C13orf42: variants seen among roughly 807,000 people sequenced by gnomAD.
C13orf42 encodes the protein chromosome 13 open reading frame 42, also known as uncharacterized protein C13orf42.
chr13:51,170,904 CCCGCTTTCCTAGGG>C (rs1953944462), intron 1 of C13orf42, among the ~76,000 whole-genome samples: 1 of 152,068 alleles, frequency 6.6e-6, no homozygotes, highest in African/African-American at 2.4e-5. Flanking sequence ...AGTGGCAAGT[CCCGCTTTCCTAGGG>C]GGCAAGAAGC....
At chr13:51,131,113 C>T in intron 1 of C13orf42, among the ~76,000 whole-genome samples, 1 of 152,090 alleles carries the variant, frequency 6.6e-6, no homozygotes, top group East Asian at 1.9e-4. Context: ...CCGTGCTGAT[C>T]CTTTGTTTTG....
chr13:51,156,745 G>A (rs1238219072), intron 1 of C13orf42, among the ~76,000 whole-genome samples: 3 of 152,216 alleles, frequency 2.0e-5, no homozygotes, highest in African/African-American at 7.2e-5. Context: ...CTATTGTTAA[G>A]GAGAGATAAG....
chr13:51,132,969 G>A (rs573504975), intron 1 of C13orf42, among the ~76,000 whole-genome samples: 14 of 152,238 alleles, frequency 9.2e-5, no homozygotes, highest in African/African-American at 3.4e-4. Flanking sequence ...CCAGCGCCAT[G>A]ACAGTTTACA....
intron 1 of C13orf42, among the ~76,000 whole-genome samples, chr13:51,125,878 T>C (rs975598464): frequency 1.3e-5 from 2 of 152,354 alleles, no homozygotes; most frequent in Non-Finnish European, 1.5e-5. Flanking sequence ...GCTCTTAATA[T>C]GGTGACTGTT....
chr13:51,091,700 C>T (rs2137979941), intron 1 of C13orf42, among the ~76,000 whole-genome samples: 1 of 152,260 alleles, frequency 6.6e-6, no homozygotes, highest in South Asian at 2.1e-4. Context: ...TGAATCATCA[C>T]TCTACAGGGA....
At chr13:51,129,228 G>A (rs1257240966) in intron 1 of C13orf42, among the ~76,000 whole-genome samples, 3 of 152,170 alleles carry the variant, frequency 2.0e-5, no homozygotes, top group African/African-American at 7.2e-5. Flanking sequence ...AGCTGGACTG[G>A]CAAAACAGAA....
At chr13:51,095,466 A>G (rs758690976) in intron 1 of C13orf42, among the ~76,000 whole-genome samples, 33 of 151,392 alleles carry the variant, frequency 2.2e-4, no homozygotes, top group Non-Finnish European at 4.1e-4. Flanking sequence ...TTCCAGCTAT[A>G]CTTATATTAG....
chr13:51,149,379 AG>A (rs1953762861), intron 1 of C13orf42, among the ~76,000 whole-genome samples: 1 of 152,142 alleles, frequency 6.6e-6, no homozygotes, highest in African/African-American at 2.4e-5. Context: ...AAGGTGATAA[AG>A]GGTAATAAGT....
chr13:51,149,950 A>G (rs930176323), intron 1 of C13orf42, among the ~76,000 whole-genome samples: 1 of 152,234 alleles, frequency 6.6e-6, no homozygotes. Context: ...CCCAGAAAAC[A>G]GTAGAAGATA....
chr13:51,150,823 G>T (rs189256539), intron 1 of C13orf42, among the ~76,000 whole-genome samples: 1 of 152,318 alleles, frequency 6.6e-6, no homozygotes, highest in East Asian at 1.9e-4. Context: ...GAATTCCTTG[G>T]TTCTATGCAG....
chr13:51,121,351 G>A (rs1412405468), intron 1 of C13orf42, among the ~76,000 whole-genome samples: 2 of 152,094 alleles, frequency 1.3e-5, no homozygotes, highest in Non-Finnish European at 2.9e-5. Context: ...TGAGAAAAAT[G>A]ATACCTGGGG....
chr13:51,145,481 T>A lies in C13orf42; in HGVS notation n.136+26772A>T, dbSNP rs1263320699. On this transcript the variant is annotated intron_variant and non_coding_transcript_variant, in intron 1 of 4. Transcript: ENST00000433280. ...ACCATCCTAGCTATGAGAGATCAGA[T>A]GAAACCTGAGACCAGAGATTCATTT... is the stretch of plus-strand genomic sequence containing the variant. Among the ~76,000 whole-genome samples the A allele has an allele frequency of 2.6e-5, 4 of 152,328 alleles. No individual in the cohort carries two copies. The East Asian group carries it at 7.7e-4, about 29-fold the overall frequency.
intron 1 of C13orf42, among the ~76,000 whole-genome samples, chr13:51,159,335 C>A (rs1319774788): frequency 1.3e-5 from 2 of 152,158 alleles, no homozygotes; most frequent in Non-Finnish European, 2.9e-5. Flanking sequence ...ATTAAAAAAA[C>A]AGATGTCAGG....
At chr13:51,156,395 G>C (rs1171027265) in intron 1 of C13orf42, among the ~76,000 whole-genome samples, 1 of 152,136 alleles carries the variant, frequency 6.6e-6, no homozygotes, top group Non-Finnish European at 1.5e-5. Flanking sequence ...ATAACTCTGT[G>C]ATACATAGCT....
chr13:51,087,596 T>C (rs1381033474), intron 2 of C13orf42, among the ~76,000 whole-genome samples: 1 of 152,182 alleles, frequency 6.6e-6, no homozygotes, highest in Admixed American at 6.5e-5. Flanking sequence ...ATTTCCCTAT[T>C]GCTGTCCTTC....
At chr13:51,157,619 G>A (rs1953834641) in intron 1 of C13orf42, among the ~76,000 whole-genome samples, 1 of 152,114 alleles carries the variant, frequency 6.6e-6, no homozygotes, top group Admixed American at 6.5e-5. Context: ...ATGCAGGTGA[G>A]TGAGCTATTT....
rs140204677 is a variant in C13orf42, at chr13:51,094,927, C to T, written c.415-6852G>A. On this transcript the variant is annotated intron_variant, in intron 1 of 3. Coordinates refer to ENST00000563710, the MANE Select transcript of C13orf42 (RefSeq NM_001351589.3). ...TGGAATCATGGGGGTGTGTCTTTCC[C>T]GTGCTGTTTTCATGATACTGAGTCT... Among the ~76,000 whole-genome samples the T allele has an allele frequency of 4.2e-3, 635 of 152,206 alleles. 4 individuals are homozygous for T. The highest frequency in any genetic ancestry group is 7.2e-3 in the Non-Finnish European group (493 of 68,018).
chr13:51,171,121 T>C (rs535058140), intron 1 of C13orf42, among the ~76,000 whole-genome samples: 352 of 152,066 alleles, frequency 2.3e-3, no homozygotes, highest in Non-Finnish European at 3.9e-3. Flanking sequence ...TCCTTCACTA[T>C]GGGTAAGCTT....
At chr13:51,133,488 T>C (rs1953634449) in intron 1 of C13orf42, among the ~76,000 whole-genome samples, 1 of 152,200 alleles carries the variant, frequency 6.6e-6, no homozygotes, top group Non-Finnish European at 1.5e-5. Context: ...GTATATTTTA[T>C]CACAATTTTA....
Sources: allele counts gnomAD v4.1 joint callset (sites outside exome capture counted in the v4.1 genomes callset), GRCh38; gene constraint gnomAD v4.1.1; transcripts MANE v1.5; gene names NCBI Gene and HGNC (gene_info 2026-07-23, HGNC 2026-07-21).